Variants in LMTK2 observed in about 807,000 individuals in gnomAD.
LMTK2 encodes serine/threonine-protein kinase LMTK2.
Under a neutral mutation model 127.5 loss-of-function variants are expected in LMTK2, and 37 were observed. The observed-to-expected ratio is 0.29, with a 90% CI of 0.22 to 0.38. The LOEUF (loss-of-function observed/expected upper bound fraction) is 0.38. LMTK2 is among the 10% of genes least tolerant of loss of function. The pLI is 1.00. For synonymous variants in LMTK2, 819 were observed against 810.1 expected, an observed-to-expected ratio of 1.01 and a Z score of -0.19; for missense variants, 1,694 against 1,920.3, an observed-to-expected ratio of 0.88 and a Z score of 2.20.
chr7:98,199,217 T>TAAA (rs1480194329), intron 11 of LMTK2, among the ~76,000 whole-genome samples: 1 of 152,060 alleles, frequency 6.6e-6, no homozygotes, highest in Non-Finnish European at 1.5e-5. Context: ...TCTATAAATG[T>TAAA]CAGATTTAAT....
At chr7:98,128,147 ATAAATAAATAAG>A (rs756359876) in intron 1 of LMTK2, among the ~76,000 whole-genome samples, 23 of 152,178 alleles carry the variant, frequency 1.5e-4, no homozygotes, top group Non-Finnish European at 2.8e-4. Flanking sequence ...CCATCTCTAA[ATAAATAAATAAG>A]TAAATAAATA....
chr7:98,148,055 G>A (rs1357920306), intron 3 of LMTK2, among the ~76,000 whole-genome samples: 3 of 152,088 alleles, frequency 2.0e-5, no homozygotes, highest in Non-Finnish European at 4.4e-5. Flanking sequence ...AATTAGCCAG[G>A]TGTGGTAGCT....
chr7:98,150,844 TG>T (rs1181774115), intron 3 of LMTK2, among the ~76,000 whole-genome samples: 1 of 152,146 alleles, frequency 6.6e-6, no homozygotes, highest in African/African-American at 2.4e-5. Flanking sequence ...TGTGTAGAGA[TG>T]GGGGCAGGTG....
chr7:98,181,920 GT>G, intron 7 of LMTK2, among the ~76,000 whole-genome samples: 1 of 152,194 alleles, frequency 6.6e-6, no homozygotes, highest in Admixed American at 6.5e-5. Context: ...GCCTCCCAAA[GT>G]GCTGGGATTA....
At position 98,205,544 on chromosome 7, in the gene LMTK2, C is replaced by T. The variant is rs746464126; in HGVS notation, c.*52C>T. Reference sequence around the variant, plus strand: ...CCGAGGCTGCTCCCCTGGAGCGGCGCCCCTGCGCCCTCAGCCCGAGCAGCG... The same window carrying T: ...CCGAGGCTGCTCCCCTGGAGCGGCGTCCCTGCGCCCTCAGCCCGAGCAGCG... On this transcript the variant is annotated 3_prime_UTR_variant, in exon 14 of 14. Coordinates refer to ENST00000297293, the MANE Select transcript of LMTK2 (RefSeq NM_014916.4). 22 of 1,592,386 alleles carry T rather than the reference C, an allele frequency of 1.4e-5. 1 individual carries two copies. The highest frequency in any genetic ancestry group is 1.9e-5 in the Non-Finnish European group (22 of 1,166,360).
Position 98,193,979 on chromosome 7 carries a change from A to T in LMTK2, c.3514A>T (p.Ser1172Cys). 6.2e-7 allele frequency: 1 copy of T among 1,614,104 alleles called. No homozygotes were observed. Among genetic ancestry groups the T allele is most frequent in the Non-Finnish European group, 8.5e-7 (1 of 1,180,038 alleles). Reference sequence around the variant, plus strand: ...TTGTCTGTCTGCTTTGCACAACTCCAGTGACCTGGAATTAAGAGCCACGCC... The same window carrying T: ...TTGTCTGTCTGCTTTGCACAACTCCTGTGACCTGGAATTAAGAGCCACGCC... ...ESCLSALHNSSDLELRATPEP... is the reference protein window; with the variant it reads ...ESCLSALHNSCDLELRATPEP... The change falls in exon 11 of 14, where the codon AGT becomes TGT. Residue 1172 changes from serine (S) to cysteine (C), a missense_variant. By Grantham distance (112) the Ser-to-Cys change is moderately radical (BLOSUM62 -1). This residue lies in a region of LMTK2 where 554 missense variants were observed against 567.7 expected (regional missense o/e 0.98). Coordinates refer to ENST00000297293, the MANE Select transcript of LMTK2 (RefSeq NM_014916.4). This position sits in a 1 kb window ranked among gnomAD's most constrained non-coding sequence, Gnocchi z 4.1.
rs761457935 is a variant in LMTK2, at chr7:98,193,103, G to T, written c.2638G>T (p.Asp880Tyr). 3 of 1,613,706 alleles carry T rather than the reference G, an allele frequency of 1.9e-6. No individual in the cohort carries two copies. The South Asian group carries it at 3.3e-5, about 18-fold the overall frequency. The change falls in exon 11 of 14, where the codon GAT becomes TAT. Residue 880 changes from aspartate (D) to tyrosine (Y), a missense_variant. By Grantham distance (160) the Asp-to-Tyr change is radical (BLOSUM62 -3). Around this residue, in one of 8 missense-constraint regions of LMTK2, gnomAD observed 527 missense variants for 539.8 expected, o/e 0.98. Coordinates refer to ENST00000297293, the MANE Select transcript of LMTK2 (RefSeq NM_014916.4). The surrounding 1 kb of genome is among the most constrained non-coding windows in gnomAD (Gnocchi z 4.1). ...LSTDARTHSL[D>Y]NRSQDSPGES... Reference sequence around the variant, plus strand: ...AACTGATGCCAGAACCCACAGCCTGGATAACAGGTCCCAGGACTCTCCTGG... The same window carrying T: ...AACTGATGCCAGAACCCACAGCCTGTATAACAGGTCCCAGGACTCTCCTGG...
rs994465983 is a variant in LMTK2, at chr7:98,192,229, G to C, written c.1764G>C (p.Gln588His). 1 of 1,524,366 alleles carries C rather than the reference G, an allele frequency of 6.6e-7. No individual in the cohort carries two copies. 94.4% of individuals were successfully genotyped at this position (1,524,366 alleles called of 1,614,324 possible). ...AAAGGACTGGCCCTGAACTGTCCCA[G>C]CTCACGGCGCTCAGGAGCGTTGAAC... The part of the protein sequence containing the change: ...NPERTGPELS[Q>H]LTALRSVELE... Residue 588 changes from glutamine (Q) to histidine (H), a missense_variant, in exon 11 of 14, where the codon CAG (glutamine) becomes CAC (histidine). Physicochemically the swap from Gln to His is conservative, Grantham distance 24. This residue lies in a region of LMTK2 where 527 missense variants were observed against 539.8 expected (regional missense o/e 0.98). Coordinates refer to ENST00000297293, the MANE Select transcript of LMTK2 (RefSeq NM_014916.4).
chr7:98,109,898 G>T lies in LMTK2; in HGVS notation c.103+2618G>T, dbSNP rs544159289. 5.9e-5 allele frequency among the ~76,000 whole-genome samples: 9 copies of T among 152,170 alleles called. No homozygotes were observed. In the South Asian group the frequency reaches 1.9e-3, roughly 32 times the overall value. Reference sequence around the variant, plus strand: ...ACCAAGTTTAAAAAAAAACCTTTAAGCTAATCCTGACTAGTGAGCTCGCTG... The same window carrying T: ...ACCAAGTTTAAAAAAAAACCTTTAATCTAATCCTGACTAGTGAGCTCGCTG... On this transcript the variant is annotated intron_variant, in intron 1 of 13. Coordinates refer to ENST00000297293, the MANE Select transcript of LMTK2 (RefSeq NM_014916.4).
intron 5 of LMTK2, among the ~76,000 whole-genome samples, chr7:98,158,192 G>A (rs1329182295): frequency 1.3e-5 from 2 of 152,184 alleles, no homozygotes; most frequent in African/African-American, 4.8e-5. Flanking sequence ...GGAAATTTAT[G>A]GAAAAGAATG....
chr7:98,203,603 TG>T lies in LMTK2; in HGVS notation c.4139del (p.Gly1380GlufsTer9), dbSNP rs1182320954. 1 of 1,604,866 alleles carries T rather than the reference TG, an allele frequency of 6.2e-7. No homozygotes were observed. Among genetic ancestry groups the T allele is most frequent in the Non-Finnish European group, 8.5e-7 (1 of 1,177,788 alleles). ...CCCCAACCAAAGAGCTGGGGCCCTG[TG>T]GAGGAGAGGCGTGCGGCCCGGACCT... ...ETPTKELGPC[G>X]GEACGPDLSG... is the part of the protein sequence containing the mutation. On this transcript the variant is annotated frameshift_variant, in exon 12 of 14. Coordinates refer to ENST00000297293, the MANE Select transcript of LMTK2 (RefSeq NM_014916.4). LOFTEE classifies it high-confidence loss of function.
At chr7:98,198,062 T>C (rs1797654109) in intron 11 of LMTK2, among the ~76,000 whole-genome samples, 1 of 151,592 alleles carries the variant, frequency 6.6e-6, no homozygotes, top group African/African-American at 2.4e-5. Flanking sequence ...ATTGCTTTTG[T>C]TTTCATGGAT....
chr7:98,195,615 C>T (rs1797612965), intron 11 of LMTK2, among the ~76,000 whole-genome samples: 1 of 152,238 alleles, frequency 6.6e-6, no homozygotes, highest in Admixed American at 6.5e-5. Context: ...CAGGAGTCCT[C>T]GCCGTCTCCT....
chr7:98,209,168 A>G lies in LMTK2; in HGVS notation c.*3676A>G, dbSNP rs1797851699. The G allele has an allele frequency of 6.6e-6, 1 of 152,254 alleles. No individual in the cohort carries two copies. The highest frequency in any genetic ancestry group is 2.4e-5 in the African/African-American group (1 of 41,464). The allele number at this position is 152,254 out of a possible 1,614,324, so 9.4% of individuals were successfully genotyped here. ...CAGTGACTTCCGATGGAAATCTCCA[A>G]AACAATATTCCTAAGTAGCAATGGG... On this transcript the variant is annotated 3_prime_UTR_variant, in exon 14 of 14. Coordinates refer to ENST00000297293, the MANE Select transcript of LMTK2 (RefSeq NM_014916.4).
At chr7:98,199,019 A>G (rs1797671697) in intron 11 of LMTK2, among the ~76,000 whole-genome samples, 1 of 152,032 alleles carries the variant, frequency 6.6e-6, no homozygotes, top group East Asian at 1.9e-4. Context: ...AGAGTTGGAG[A>G]TTTTATTGTA....
At chr7:98,200,507 T>C (rs566959157) in intron 11 of LMTK2, among the ~76,000 whole-genome samples, 1 of 152,314 alleles carries the variant, frequency 6.6e-6, no homozygotes, top group South Asian at 2.1e-4. Context: ...GGCTGACTTT[T>C]TGTATATGTG....
intron 3 of LMTK2, among the ~76,000 whole-genome samples, chr7:98,144,166 C>T (rs1047072236): frequency 6.6e-5 from 10 of 151,970 alleles, no homozygotes; most frequent in Admixed American, 5.9e-4. Context: ...AGCGGTGGTT[C>T]ATGCCTGTAA....
chr7:98,158,660 A>T (rs1796966861), intron 5 of LMTK2, among the ~76,000 whole-genome samples: 1 of 152,232 alleles, frequency 6.6e-6, no homozygotes, highest in Admixed American at 6.5e-5. Flanking sequence ...CATAGCATTT[A>T]CATCGTATTA....
At chr7:98,115,463 A>G (rs914834311) in intron 1 of LMTK2, among the ~76,000 whole-genome samples, 1 of 151,082 alleles carries the variant, frequency 6.6e-6, no homozygotes, top group Admixed American at 6.6e-5. Flanking sequence ...GAAAAGAAGG[A>G]AGGGAGGGCG....
Sources: gnomAD v4.1 joint callset for allele counts (sites outside exome capture counted in the v4.1 genomes callset) on GRCh38, gnomAD v4.1.1 for gene constraint, gnomAD v4.1.1 regional missense constraint, Gnocchi (gnomAD v3.1) non-coding constraint, MANE v1.5 for transcripts, NCBI Gene and HGNC (gene_info 2026-07-23, HGNC 2026-07-21) for gene names.